Variants in DNM3 observed in about 807,000 individuals in gnomAD.
DNM3 encodes the protein dynamin-3.
A neutral mutation model predicts 101.6 loss-of-function variants in DNM3; 47 were observed. The observed-to-expected ratio is 0.46, with a 90% confidence interval of 0.37 to 0.59. The LOEUF is 0.59. Among genes scored for constraint, DNM3 ranks in the 20% least tolerant of loss-of-function variants. The probability of loss-of-function intolerance (pLI) is 0.00; values close to 1 mark genes in which losing one functional copy is unlikely to be tolerated. For synonymous variants in DNM3, 385 were observed against 387.9 expected (o/e 0.99, Z 0.09); for missense variants, 849 against 1,085.7 (o/e 0.78, Z 3.06).
chr1:171,964,749 A>G (rs1474960863), intron 2 of DNM3, among the ~76,000 whole-genome samples: 3 of 152,106 alleles, frequency 2.0e-5, no homozygotes, highest in Non-Finnish European at 2.9e-5. Flanking sequence ...TTTTGATAGT[A>G]TTTTAGTTTA....
chr1:172,267,806 G>A (rs1056149286), intron 15 of DNM3, among the ~76,000 whole-genome samples: 29 of 151,890 alleles, frequency 1.9e-4, no homozygotes, highest in Admixed American at 3.3e-4. Context: ...TCCGCCTCCC[G>A]GGTTCACACC....
intron 14 of DNM3, among the ~76,000 whole-genome samples, chr1:172,221,351 A>G (rs2060899596): frequency 6.6e-6 from 1 of 152,118 alleles, no homozygotes; most frequent in Non-Finnish European, 1.5e-5. Context: ...GACAAATCAT[A>G]TGCCCTCTTT....
rs114399051 is a variant in DNM3 at position 171,891,474 on chromosome 1, A to G, written c.162-30274A>G. On this transcript the variant is annotated intron_variant, in intron 1 of 20. Transcript: ENST00000627582. ...AATGAACCACTACTTTTACAATATT[A>G]TTAATTAAAATCCATATTTTATTCA... is the stretch of plus-strand genomic sequence containing the variant. Among the ~76,000 whole-genome samples, 547 of 152,156 alleles carry G rather than the reference A, an allele frequency of 3.6e-3. 2 individuals are homozygous for G. Among genetic ancestry groups the G allele is most frequent in the Non-Finnish European group, 5.4e-3 (370 of 67,990 alleles).
In DNM3 at chr1:172,408,489, G is replaced by C; in HGVS notation, c.*648G>C. On this transcript the variant is annotated 3_prime_UTR_variant, in exon 21 of 21. Coordinates refer to ENST00000627582, the MANE Select transcript of DNM3 (RefSeq NM_015569.5). ...TTCCAATGTGTTTTGCTTCATGCTA[G>C]AAGCATATGCAACAGTGAATAAAAG... 1 of 985,330 alleles carries C rather than the reference G, an allele frequency of 1.0e-6. No individual in the cohort carries two copies. Among genetic ancestry groups the C allele is most frequent in the Non-Finnish European group, 1.2e-6 (1 of 829,880 alleles). 61.0% of individuals were successfully genotyped at this position (985,330 alleles called of 1,614,324 possible).
In DNM3 at chr1:171,921,837, G is replaced by A. The variant is rs2040195677; in HGVS notation, c.235+16G>A. On this transcript the variant is annotated intron_variant, in intron 2 of 20. Transcript: ENST00000627582. ...TCTAAAGCAGGTAATGAATGAAGAT[G>A]TTTACCGCATGGATGGGCACATCCT... is the stretch of plus-strand genomic sequence containing the variant. 2.5e-6 allele frequency: 4 copies of A among 1,586,850 alleles called. No homozygotes were observed. Among genetic ancestry groups the A allele is most frequent in the African/African-American group, 2.7e-5 (2 of 74,692 alleles).
chr1:172,072,028 AGTC>A (rs2052238751), intron 11 of DNM3, among the ~76,000 whole-genome samples: 1 of 152,164 alleles, frequency 6.6e-6, no homozygotes, highest in Non-Finnish European at 1.5e-5. Flanking sequence ...CCTATACTAC[AGTC>A]CAAGTTAATG....
At chr1:171,876,340 C>G (rs950479494) in intron 1 of DNM3, among the ~76,000 whole-genome samples, 1 of 151,508 alleles carries the variant, frequency 6.6e-6, no homozygotes, top group Non-Finnish European at 1.5e-5. Flanking sequence ...AAAGTCAAAA[C>G]AAAAAAAGGA....
At chr1:171,906,391 C>A (rs1481554312) in intron 1 of DNM3, among the ~76,000 whole-genome samples, 1 of 151,802 alleles carries the variant, frequency 6.6e-6, no homozygotes, top group Non-Finnish European at 1.5e-5. Flanking sequence ...GCCTCTCAAA[C>A]TCCTGAGATT....
At chr1:172,364,015 C>T (rs2067880350) in intron 17 of DNM3, among the ~76,000 whole-genome samples, 1 of 151,886 alleles carries the variant, frequency 6.6e-6, no homozygotes, top group Non-Finnish European at 1.5e-5. Flanking sequence ...CACTTAGAGG[C>T]TATACCATAC....
chr1:171,926,927 A>T (rs983348087), intron 2 of DNM3, among the ~76,000 whole-genome samples: 3 of 152,224 alleles, frequency 2.0e-5, no homozygotes, highest in African/African-American at 7.2e-5. Flanking sequence ...TATGAAAACC[A>T]CATAGCTACC....
chr1:171,931,048 G>C (rs1415105101), intron 2 of DNM3, among the ~76,000 whole-genome samples: 3 of 152,126 alleles, frequency 2.0e-5, no homozygotes, highest in Non-Finnish European at 2.9e-5. Context: ...AACATAGGAA[G>C]CCCTCATCTG....
intron 14 of DNM3, among the ~76,000 whole-genome samples, chr1:172,211,399 A>G (rs2060509674): frequency 6.6e-6 from 1 of 152,110 alleles, no homozygotes; most frequent in Non-Finnish European, 1.5e-5. Flanking sequence ...TCTCTCCTGG[A>G]TGTCTGGAAA....
chr1:172,118,179 T>C (rs17350586), intron 13 of DNM3, among the ~76,000 whole-genome samples: 38,523 of 152,106 alleles, frequency 0.25, 5,201 homozygotes, highest in Non-Finnish European at 0.28. Flanking sequence ...CCACATTAGA[T>C]ACATGCATGC....
chr1:172,240,589 T>C (rs1009200541), intron 14 of DNM3, among the ~76,000 whole-genome samples: 2 of 152,220 alleles, frequency 1.3e-5, no homozygotes, highest in Non-Finnish European at 2.9e-5. Flanking sequence ...TTAAGGCAAG[T>C]ACATCCAAAG....
chr1:172,325,434 T>G (rs1344420938), intron 17 of DNM3, among the ~76,000 whole-genome samples: 1 of 152,168 alleles, frequency 6.6e-6, no homozygotes, highest in Non-Finnish European at 1.5e-5. Flanking sequence ...CCATGCCTTA[T>G]TTTTAATTGT....
chr1:171,908,693 A>G lies in DNM3; in HGVS notation c.162-13055A>G, dbSNP rs560275030. Among the ~76,000 whole-genome samples, 176 of 152,256 alleles carry G rather than the reference A, an allele frequency of 1.2e-3. 1 individual carries two copies. The highest frequency in any genetic ancestry group is 2.0e-3 in the Non-Finnish European group (134 of 68,008). ...ATTAACATATAACCCTACATAGCTT[A>G]TTGTACATTTGTTTATTAGTATCTT... is the stretch of plus-strand genomic sequence containing the variant. On this transcript the variant is annotated intron_variant, in intron 1 of 20. Transcript: ENST00000627582.
chr1:171,945,359 A>C (rs964450933), intron 2 of DNM3, among the ~76,000 whole-genome samples: 49 of 152,326 alleles, frequency 3.2e-4, no homozygotes, highest in African/African-American at 1.0e-3. Flanking sequence ...AGAGTTCAGA[A>C]ACAGAACAGT....
At chr1:171,895,263 AG>A (rs2037679337) in intron 1 of DNM3, among the ~76,000 whole-genome samples, 1 of 152,148 alleles carries the variant, frequency 6.6e-6, no homozygotes, top group Non-Finnish European at 1.5e-5. Flanking sequence ...ACAGTGTAAA[AG>A]TGTTCCTCTT....
chr1:172,057,384 C>A (rs1214941409), intron 10 of DNM3, among the ~76,000 whole-genome samples: 3 of 152,040 alleles, frequency 2.0e-5, no homozygotes. Flanking sequence ...CTCCAAGACA[C>A]ATAATTGTCA....
Sources: gnomAD v4.1 joint callset for allele counts (sites outside exome capture counted in the v4.1 genomes callset) on GRCh38, gnomAD v4.1.1 for gene constraint, MANE v1.5 for transcripts, NCBI Gene and HGNC (gene_info 2026-07-23, HGNC 2026-07-21) for gene names.